The following RPH3A variants were observed in gnomAD, a reference collection of about 807,000 sequenced individuals.
RPH3A encodes the protein rabphilin 3A, also known as rabphilin-3A.
Under a neutral mutation model 102.2 loss-of-function variants are expected in RPH3A, and 48 were observed. That is an observed-to-expected ratio of 0.47 (90% CI 0.37 to 0.60). The LOEUF (loss-of-function observed/expected upper bound fraction) is 0.60, where lower values mean the gene tolerates loss of function less well. Ranked by LOEUF, RPH3A falls within the 20% of genes least tolerant of loss-of-function variation. The pLI is 0.00. For missense variants in RPH3A, 781 were observed against 910.1 expected (o/e 0.86, Z 1.83); for synonymous variants, 310 against 324.3 (o/e 0.96, Z 0.47).
rs138875541 is a variant in RPH3A, at chr12:112,707,144, T to A, written c.-139-84999T>A. Among the ~76,000 whole-genome samples the A allele has an allele frequency of 4.7e-4, 71 of 152,274 alleles. 2 individuals are homozygous for A. The East Asian group carries it at 0.013, about 27-fold the overall frequency. ...TAAGCTGCAAATGCTCAGAGTTTCA[T>A]TGTGAGATGCTTGAAGAGAGTCTTT... On this transcript the variant is annotated intron_variant, in intron 1 of 21. Coordinates refer to the RPH3A transcript ENST00000543106.
chr12:112,855,391 C>T (rs1408650366), intron 5 of RPH3A, among the ~76,000 whole-genome samples: 4 of 152,226 alleles, frequency 2.6e-5, no homozygotes, highest in Non-Finnish European at 5.9e-5. Flanking sequence ...TGTCATGACA[C>T]AGCACCTTGC....
At chr12:112,727,505 C>CA (rs1491305413) in intron 1 of RPH3A, among the ~76,000 whole-genome samples, 9 of 71,428 alleles carry the variant, frequency 1.3e-4, no homozygotes, top group Non-Finnish European at 2.1e-4. Context: ...CCCCCCCCCC[C>CA]ACACACATAT....
At chr12:112,824,890 C>A (rs558091549) in intron 2 of RPH3A, among the ~76,000 whole-genome samples, 2 of 152,304 alleles carry the variant, frequency 1.3e-5, no homozygotes, top group Admixed American at 1.3e-4. Context: ...ATTTGGAGAT[C>A]AGAGTTCCTG....
At chr12:112,881,966 C>T (rs2042922275) in intron 15 of RPH3A, 120 bp downstream of exon 15, 2 of 666,864 alleles carry the variant, frequency 3.0e-6, no homozygotes, top group Admixed American at 5.1e-5. Context: ...CCCACCTCAT[C>T]CTGTGAGTAG....
chr12:112,613,708 G>T (rs184732333), intron 1 of RPH3A, among the ~76,000 whole-genome samples: 1 of 152,226 alleles, frequency 6.6e-6, no homozygotes, highest in Admixed American at 6.5e-5. Context: ...GTGAGGGTGG[G>T]GGTCTGATGG....
intron 4 of RPH3A, among the ~76,000 whole-genome samples, chr12:112,837,010 C>A (rs1291184338): frequency 2.0e-5 from 3 of 152,202 alleles, no homozygotes; most frequent in Admixed American, 6.5e-5. Flanking sequence ...TCTTTTCTCA[C>A]AACTTTTGTG....
intron 1 of RPH3A, among the ~76,000 whole-genome samples, chr12:112,661,298 A>T (rs1381165001): frequency 6.6e-6 from 1 of 152,114 alleles, no homozygotes; most frequent in Non-Finnish European, 1.5e-5. Context: ...AGTCAGACAG[A>T]CCTAAGTTCA....
rs192031937 is a variant in RPH3A, at chr12:112,753,826, T to C, written c.-139-38317T>C. Among the ~76,000 whole-genome samples, 92 of 152,306 alleles carry C rather than the reference T, an allele frequency of 6.0e-4. 1 individual carries two copies. The highest frequency in any genetic ancestry group is 9.8e-4 in the Admixed American group (15 of 15,292). On this transcript the variant is annotated intron_variant, in intron 1 of 21. Coordinates refer to the RPH3A transcript ENST00000543106. ...ATTTCTGGAACCTGTGAATATATTA[T>C]CTTATGTGGCAGAAGGGACTTTGAA... is the stretch of plus-strand genomic sequence containing the variant.
At chr12:112,773,269 C>A (rs2040940371) in intron 1 of RPH3A, among the ~76,000 whole-genome samples, 2 of 151,988 alleles carry the variant, frequency 1.3e-5, no homozygotes, top group Admixed American at 1.3e-4. Flanking sequence ...AAATGGATAA[C>A]CCCATCCCTT....
At chr12:112,889,430 T>C (rs915031333) in intron 17 of RPH3A, among the ~76,000 whole-genome samples, 9 of 152,240 alleles carry the variant, frequency 5.9e-5, no homozygotes, top group African/African-American at 2.2e-4. Flanking sequence ...CTACTGATCA[T>C]CTTCTTTTGC....
intron 1 of RPH3A, among the ~76,000 whole-genome samples, chr12:112,649,631 G>A (rs1339836250): frequency 6.6e-6 from 1 of 152,206 alleles, no homozygotes; most frequent in Non-Finnish European, 1.5e-5. Context: ...GAGGAATACT[G>A]CATTTGACTA....
At chr12:112,895,662 A>G in intron 20 of RPH3A, 115 bp from the exon 21 acceptor site, 2 of 660,856 alleles carry the variant, frequency 3.0e-6, no homozygotes, top group South Asian at 3.6e-5. Context: ...TTGCTCCCAG[A>G]ATGCCAGCTC....
chr12:112,600,582 CT>C (rs1424853017), intron 1 of RPH3A, among the ~76,000 whole-genome samples: 2 of 152,212 alleles, frequency 1.3e-5, no homozygotes, highest in Non-Finnish European at 2.9e-5. Flanking sequence ...CTGAGACCAC[CT>C]TGGCCTGGAC....
chr12:112,672,769 G>T (rs2040143218), intron 1 of RPH3A, among the ~76,000 whole-genome samples: 1 of 152,108 alleles, frequency 6.6e-6, no homozygotes, highest in Admixed American at 6.5e-5. Flanking sequence ...CCCTCCTGTT[G>T]TGCCCAGGAC....
intron 1 of RPH3A, among the ~76,000 whole-genome samples, chr12:112,718,860 C>T (rs1026116647): frequency 6.6e-6 from 1 of 152,194 alleles, no homozygotes; most frequent in African/African-American, 2.4e-5. Context: ...GGGCACAAGC[C>T]AGCTGATATT....
At chr12:112,728,712 A>G (rs1835229478) in intron 1 of RPH3A, among the ~76,000 whole-genome samples, 1 of 152,158 alleles carries the variant, frequency 6.6e-6, no homozygotes, top group Admixed American at 6.5e-5. Flanking sequence ...AACAAAACAA[A>G]TACACAAAAC....
intron 1 of RPH3A, among the ~76,000 whole-genome samples, chr12:112,621,997 CCTGT>C (rs2039733499): frequency 6.6e-6 from 1 of 151,020 alleles, no homozygotes; most frequent in South Asian, 2.1e-4. Context: ...AGCTGAGGGT[CCTGT>C]CTGTTAGAAG....
intron 1 of RPH3A, among the ~76,000 whole-genome samples, chr12:112,676,250 A>G (rs1021513837): frequency 6.6e-6 from 1 of 151,932 alleles, no homozygotes; most frequent in Non-Finnish European, 1.5e-5. Flanking sequence ...CAGGGGTCCC[A>G]GGCTGGGACA....
At chr12:112,875,031 CTG>C (rs775440420) in intron 10 of RPH3A, 51 bp from the exon 11 acceptor site, 12,309 of 1,276,000 alleles carry the variant, frequency 9.6e-3, no homozygotes, top group South Asian at 0.011. Flanking sequence ...CTCCTTCCTG[CTG>C]TGTGTGTGTG....
Sources: gnomAD v4.1 joint callset for allele counts (sites outside exome capture counted in the v4.1 genomes callset) on GRCh38, gnomAD v4.1.1 for gene constraint, MANE v1.5 for transcripts, NCBI Gene and HGNC (gene_info 2026-07-23, HGNC 2026-07-21) for gene names.